Variants in RBM47 observed in about 807,000 individuals in gnomAD.
The protein encoded by RBM47 is RNA binding motif protein 47.
RBM47 carries 21 observed loss-of-function variants against 47.1 expected under a neutral mutation model. That is an observed-to-expected ratio of 0.45 (90% CI 0.32 to 0.64). The LOEUF (loss-of-function observed/expected upper bound fraction) is 0.64, where lower values mean the gene tolerates loss of function less well. Ranked by LOEUF, RBM47 falls within the 30% of genes least tolerant of loss-of-function variation. The pLI, the probability that RBM47 is intolerant of heterozygous loss-of-function variation, is 0.05. For missense variants in RBM47, 708 were observed against 870.9 expected (o/e 0.81, Z 2.35); for synonymous variants, 375 against 361.7 (o/e 1.04, Z -0.42).
intron 2 of RBM47, among the ~76,000 whole-genome samples, chr4:40,532,176 A>T (rs1004994217): frequency 6.7e-6 from 1 of 149,300 alleles, no homozygotes; most frequent in African/African-American, 2.5e-5. Flanking sequence ...ATGCCCGGCT[A>T]ATTTTTTGTA....
At chr4:40,464,166 A>G (rs934269377) in intron 3 of RBM47, among the ~76,000 whole-genome samples, 1 of 152,256 alleles carries the variant, frequency 6.6e-6, no homozygotes, top group Non-Finnish European at 1.5e-5. Context: ...AAAATGGTCA[A>G]TAAATCGTGG....
intron 2 of RBM47, among the ~76,000 whole-genome samples, chr4:40,519,107 G>A (rs545611327): frequency 6.6e-6 from 1 of 152,098 alleles, no homozygotes; most frequent in Non-Finnish European, 1.5e-5. Context: ...AGGCTGAGGT[G>A]GGAGGATTGC....
chr4:40,469,269 G>GT (rs1718495461), intron 2 of RBM47, among the ~76,000 whole-genome samples: 1 of 152,046 alleles, frequency 6.6e-6, no homozygotes, highest in South Asian at 2.1e-4. Flanking sequence ...AATTCACGTA[G>GT]TTTTGTGCTA....
chr4:40,433,906 T>C (rs977098555), intron 5 of RBM47, among the ~76,000 whole-genome samples: 7 of 149,306 alleles, frequency 4.7e-5, no homozygotes, highest in Non-Finnish European at 1.0e-4. Flanking sequence ...CAACCAGAGA[T>C]TCAAACAGCA....
intron 2 of RBM47, among the ~76,000 whole-genome samples, chr4:40,469,163 T>C (rs1274676706): frequency 2.0e-5 from 3 of 152,210 alleles, no homozygotes; most frequent in Non-Finnish European, 4.4e-5. Context: ...CTTTCTGTAA[T>C]GGTAAAATGT....
chr4:40,455,454 G>A (rs1332353757), intron 3 of RBM47: 1 of 152,144 alleles, frequency 6.6e-6, no homozygotes. Flanking sequence ...CATTAACATT[G>A]TTGGGAGGAT....
intron 2 of RBM47, among the ~76,000 whole-genome samples, chr4:40,501,068 A>G (rs1269660167): frequency 6.6e-6 from 1 of 152,192 alleles, no homozygotes; most frequent in Non-Finnish European, 1.5e-5. Context: ...AAACAGCAAT[A>G]TAAAACAAGC....
rs182604600 is a variant in RBM47, at chr4:40,617,110, A to G, written c.-240+12286T>C. Reference sequence around the variant, plus strand: ...AGGCTGGTCTCAAACTCCTGACCTCAGGTGATCCACCCGCCTCGGCCTCCC... The same window carrying G: ...AGGCTGGTCTCAAACTCCTGACCTCGGGTGATCCACCCGCCTCGGCCTCCC... On this transcript the variant is annotated intron_variant, in intron 1 of 6. Coordinates refer to ENST00000295971, the MANE Select transcript of RBM47 (RefSeq NM_001098634.2). 5.2e-3 allele frequency among the ~76,000 whole-genome samples: 785 copies of G among 151,922 alleles called. 5 individuals carry two copies. The highest frequency in any genetic ancestry group is 0.018 in the African/African-American group (748 of 41,484).
intron 1 of RBM47, among the ~76,000 whole-genome samples, chr4:40,591,699 GAAAAAGAA>G: frequency 6.6e-6 from 1 of 152,036 alleles, no homozygotes; most frequent in African/African-American, 2.4e-5. Flanking sequence ...ATCTCAAAAG[GAAAAAGAA>G]AAGAAGAAAA....
intron 2 of RBM47, among the ~76,000 whole-genome samples, chr4:40,488,668 G>C (rs145515351): frequency 2.0e-5 from 3 of 152,130 alleles, no homozygotes. Flanking sequence ...GTACATACAG[G>C]AGAGTTCATA....
intron 1 of RBM47, among the ~76,000 whole-genome samples, chr4:40,602,416 G>A (rs1055484648): frequency 1.3e-5 from 2 of 151,932 alleles, no homozygotes; most frequent in Admixed American, 6.6e-5. Context: ...TTGGGAGGCC[G>A]AGGCGGGCAG....
chr4:40,449,085 A>T (rs1204377822), intron 3 of RBM47, among the ~76,000 whole-genome samples: 4 of 152,244 alleles, frequency 2.6e-5, no homozygotes, highest in Non-Finnish European at 4.4e-5. Context: ...GGCCCCTGGC[A>T]CCAGGATGTT....
At chr4:40,582,404 C>T (rs968869744) in intron 1 of RBM47, among the ~76,000 whole-genome samples, 18 of 152,014 alleles carry the variant, frequency 1.2e-4, no homozygotes, top group East Asian at 5.8e-4. Flanking sequence ...TGTGGTGGTG[C>T]GTGCCTGTAA....
chr4:40,488,952 A>G (rs887012524), intron 2 of RBM47, among the ~76,000 whole-genome samples: 1 of 152,234 alleles, frequency 6.6e-6, no homozygotes, highest in Admixed American at 6.5e-5. Flanking sequence ...ATAAGTGTTC[A>G]AAGTCTCACA....
chr4:40,535,529 G>A (rs911200386), intron 2 of RBM47, among the ~76,000 whole-genome samples: 3 of 146,492 alleles, frequency 2.0e-5, no homozygotes, highest in African/African-American at 5.1e-5. Flanking sequence ...CCACCACCAC[G>A]TCTGGCTAAT....
chr4:40,511,460 A>G (rs1724918683), intron 2 of RBM47, among the ~76,000 whole-genome samples: 1 of 152,250 alleles, frequency 6.6e-6, no homozygotes, highest in Non-Finnish European at 1.5e-5. Flanking sequence ...TAATACAGCC[A>G]ACCTGACATA....
At chr4:40,551,357 G>A (rs1729546147) in intron 1 of RBM47, among the ~76,000 whole-genome samples, 1 of 152,150 alleles carries the variant, frequency 6.6e-6, no homozygotes, top group Non-Finnish European at 1.5e-5. Flanking sequence ...CATATCAGAA[G>A]CAAGCACGTC....
rs33963787 is a variant in RBM47 at position 40,575,552 on chromosome 4, C to CAAA, written c.-239-31049_-239-31047dup. ...GGGCAACAAGAGCGAAACTCCATCT[C>CAAA]AAAAAAAAAAAAAAAACTACCAAGG... is the stretch of plus-strand genomic sequence containing the variant. On this transcript the variant is annotated intron_variant, in intron 1 of 6. Coordinates refer to ENST00000295971, the MANE Select transcript of RBM47 (RefSeq NM_001098634.2). Among the ~76,000 whole-genome samples, 50 of 98,360 alleles carry CAAA rather than the reference C, an allele frequency of 5.1e-4. 1 individual carries two copies. The highest frequency in any genetic ancestry group is 1.7e-3 in the African/African-American group (48 of 28,756). 64.5% of individuals were successfully genotyped at this position (98,360 alleles called of 152,430 possible).
rs938475554 is a variant in RBM47, at chr4:40,432,709, G to A, written c.1484C>T (p.Ala495Val). 1.4e-5 allele frequency: 23 copies of A among 1,605,688 alleles called. No individual in the cohort carries two copies. In the Middle Eastern group the frequency reaches 6.1e-4, roughly 42 times the overall value. Residue 495 changes from alanine (A) to valine (V), a missense_variant, in exon 6 of 7, where the codon GCG becomes GTG. Transcript: ENST00000295971. ...GACAGCGGCTGCGGCGGCTGCGGCCGCGGCTGCGGCGGCAGCAGCACTGGC... is the reference window on the plus strand; with the variant it reads ...GACAGCGGCTGCGGCGGCTGCGGCCACGGCTGCGGCGGCAGCAGCACTGGC... ...DPASAAAAAAAAAAAAAAVIP... is the reference protein window; with the variant it reads ...DPASAAAAAAVAAAAAAAVIP...
Sources: allele counts gnomAD v4.1 joint callset (sites outside exome capture counted in the v4.1 genomes callset), GRCh38; gene constraint gnomAD v4.1.1; transcripts MANE v1.5; gene names NCBI Gene and HGNC (gene_info 2026-07-23, HGNC 2026-07-21).